UGT1A10: variants seen among roughly 807,000 people sequenced by gnomAD.
The protein encoded by UGT1A10 is UDP-glucuronosyltransferase 1A10.
UGT1A10 carries 49 observed loss-of-function variants against 45.8 expected under a neutral mutation model. The observed-to-expected ratio is 1.07, with a 90% CI of 0.85 to 1.36. The LOEUF is 1.36. Among genes scored for constraint, UGT1A10 ranks in the 40% most tolerant of loss-of-function variants. UGT1A10 has a pLI of 0.00. For missense variants in UGT1A10, 745 were observed against 668.6 expected, an observed-to-expected ratio of 1.11 and a Z score of -1.26; for synonymous variants, 284 against 249.7, an observed-to-expected ratio of 1.14 and a Z score of -1.29.
intron 2 of UGT1A10, among the ~76,000 whole-genome samples, 197 bp downstream of exon 2, chr2:233,767,362 A>G (rs916672959): frequency 6.6e-6 from 1 of 152,144 alleles, no homozygotes; most frequent in Non-Finnish European, 1.5e-5. Context: ...CAAATACTCT[A>G]TTAAACTATG....
chr2:233,767,314 G>A, intron 2 of UGT1A10, 149 bp downstream of exon 2: 1 of 1,489,626 alleles, frequency 6.7e-7, no homozygotes, highest in Non-Finnish European at 8.8e-7. Flanking sequence ...GGTTTTTTTT[G>A]TTGTTGTGGT....
At chr2:233,748,098 A>C in intron 1 of UGT1A10, 1 of 1,612,702 alleles carries the variant, frequency 6.2e-7, no homozygotes, top group Non-Finnish European at 8.5e-7. Flanking sequence ...TCGTGCCTTC[A>C]TCCAATCAAT....
At chr2:233,672,398 T>C in intron 1 of UGT1A10, 1 of 1,614,102 alleles carries the variant, frequency 6.2e-7, no homozygotes, top group Non-Finnish European at 8.5e-7. Flanking sequence ...AACTGTGGCT[T>C]AATTGTTGCC....
intron 1 of UGT1A10, among the ~76,000 whole-genome samples, chr2:233,739,415 C>A (rs1192478838): frequency 6.6e-6 from 1 of 152,198 alleles, no homozygotes; most frequent in African/African-American, 2.4e-5. Context: ...CCTCTGAAAG[C>A]AGCCAGGACG....
intron 1 of UGT1A10, among the ~76,000 whole-genome samples, chr2:233,757,812 T>C (rs772268398): frequency 4.0e-5 from 6 of 151,794 alleles, no homozygotes; most frequent in Non-Finnish European, 8.8e-5. Flanking sequence ...TGAAAGGAGC[T>C]GGTAGTGTGT....
chr2:233,764,530 T>C (rs572226432), intron 1 of UGT1A10, among the ~76,000 whole-genome samples: 7 of 152,338 alleles, frequency 4.6e-5, no homozygotes, highest in African/African-American at 1.7e-4. Flanking sequence ...ATCCTGCTGA[T>C]TGCTGAGTGG....
chr2:233,706,605 TAAG>T (rs1165362415), intron 1 of UGT1A10, among the ~76,000 whole-genome samples: 1 of 152,152 alleles, frequency 6.6e-6, no homozygotes, highest in Non-Finnish European at 1.5e-5. Flanking sequence ...AAGTATGTGA[TAAG>T]AAGACTAGAG....
Position 233,644,741 on chromosome 2 carries a change from AG to A in UGT1A10, c.855+7369del, listed in dbSNP as rs1244858366. Among the ~76,000 whole-genome samples the A allele has an allele frequency of 1.3e-3, 192 of 152,124 alleles. 1 individual carries two copies. The highest frequency in any genetic ancestry group is 4.3e-3 in the African/African-American group (179 of 41,540). ...TATGCCACACCGCCACTGTGGGTTC[AG>A]GGGGTTGGGTGACATAGGAGATGCA... On this transcript the variant is annotated intron_variant, in intron 1 of 4. Transcript: ENST00000344644.
chr2:233,739,588 C>T (rs1487878859), intron 1 of UGT1A10, among the ~76,000 whole-genome samples: 1 of 152,180 alleles, frequency 6.6e-6, no homozygotes, highest in Non-Finnish European at 1.5e-5. Context: ...TTGCATGGGG[C>T]CTATAGCCCC....
intron 1 of UGT1A10, among the ~76,000 whole-genome samples, chr2:233,683,553 C>G (rs989486799): frequency 6.6e-6 from 1 of 152,058 alleles, no homozygotes; most frequent in South Asian, 2.1e-4. Flanking sequence ...TGAGATTGGC[C>G]TTCTTTTGCT....
At chr2:233,659,137 T>A (rs1575406720) in intron 1 of UGT1A10, among the ~76,000 whole-genome samples, 1 of 152,340 alleles carries the variant, frequency 6.6e-6, no homozygotes, top group East Asian at 1.9e-4. Flanking sequence ...TTTCACATCT[T>A]TGATCAGATT....
intron 1 of UGT1A10, chr2:233,729,433 A>T (rs2077858164): frequency 6.2e-7 from 1 of 1,613,790 alleles, no homozygotes; most frequent in African/African-American, 1.3e-5. Flanking sequence ...GTACTTTGAA[A>T]CAGAACATTT....
chr2:233,687,352 G>A (rs923240584), intron 1 of UGT1A10, among the ~76,000 whole-genome samples: 4 of 152,036 alleles, frequency 2.6e-5, no homozygotes, highest in Non-Finnish European at 5.9e-5. Context: ...ACTTCAGATG[G>A]GTGGACTGTC....
rs193084224 is a variant in UGT1A10 at position 233,739,721 on chromosome 2, A to C, written c.856-27313A>C. On this transcript the variant is annotated intron_variant, in intron 1 of 4. Coordinates refer to ENST00000344644, the MANE Select transcript of UGT1A10 (RefSeq NM_019075.4). ...ACAGGCTCATGGGGGAAGGGACTTG[A>C]CTTGTCTCAGATGAGACCTTGGACT... 9.4e-3 allele frequency among the ~76,000 whole-genome samples: 1,433 copies of C among 152,244 alleles called. 32 individuals are homozygous for C. The highest frequency in any genetic ancestry group is 0.032 in the African/African-American group (1,344 of 41,496).
intron 1 of UGT1A10, among the ~76,000 whole-genome samples, chr2:233,662,673 A>T (rs2073999951): frequency 6.6e-6 from 1 of 152,170 alleles, no homozygotes; most frequent in Non-Finnish European, 1.5e-5. Context: ...GGAAGTAGTA[A>T]TTAGCCCCCA....
At chr2:233,759,585 G>C in intron 1 of UGT1A10, among the ~76,000 whole-genome samples, 1 of 148,700 alleles carries the variant, frequency 6.7e-6, no homozygotes, top group Non-Finnish European at 1.5e-5. Context: ...ACCCCAGCAC[G>C]CCCCCCACCC....
At chr2:233,721,036 A>G (rs1265033546) in intron 1 of UGT1A10, among the ~76,000 whole-genome samples, 1 of 152,110 alleles carries the variant, frequency 6.6e-6, no homozygotes, top group African/African-American at 2.4e-5. Context: ...TTGTGAGAGA[A>G]TTGAGCCCTT....
intron 1 of UGT1A10, among the ~76,000 whole-genome samples, chr2:233,644,764 T>C (rs76633216): frequency 6.6e-6 from 1 of 152,052 alleles, no homozygotes; most frequent in Non-Finnish European, 1.5e-5. Flanking sequence ...ACATAGGAGA[T>C]GCAGAACTTT....
chr2:233,759,810 A>G (rs1374483209), intron 1 of UGT1A10, among the ~76,000 whole-genome samples: 1 of 152,220 alleles, frequency 6.6e-6, no homozygotes, highest in Non-Finnish European at 1.5e-5. Flanking sequence ...GTGAGCAGGC[A>G]GTACCGGGGG....
Sources: gnomAD v4.1 joint callset for allele counts (sites outside exome capture counted in the v4.1 genomes callset) on GRCh38, gnomAD v4.1.1 for gene constraint, MANE v1.5 for transcripts, NCBI Gene and HGNC (gene_info 2026-07-23, HGNC 2026-07-21) for gene names.